The following MTOR variants were observed in gnomAD, a reference collection of about 807,000 sequenced individuals.
MTOR encodes mechanistic target of rapamycin kinase.
Under a neutral mutation model 319.8 loss-of-function variants are expected in MTOR, and 70 were observed. The ratio of observed to expected loss-of-function variants is 0.22; its 90% confidence interval spans 0.18 to 0.27. The LOEUF (loss-of-function observed/expected upper bound fraction) is 0.27. MTOR is among the 10% of genes least tolerant of loss of function. The probability of loss-of-function intolerance (pLI) is 1.00; values close to 1 mark genes in which losing one functional copy is unlikely to be tolerated. For missense variants in MTOR, 1,890 were observed against 3,274.4 expected (o/e 0.58, Z 10.32); for synonymous variants, 1,183 against 1,211.4 (o/e 0.98, Z 0.49).
intron 49 of MTOR, among the ~76,000 whole-genome samples, chr1:11,118,228 A>ATTTTATTTT (rs1642282624): frequency 8.3e-6 from 1 of 120,766 alleles, no homozygotes; most frequent in African/African-American, 4.0e-5. Flanking sequence ...AACTTAGTTA[A>ATTTTATTTT]TTTTTTTTTT....
In MTOR at chr1:11,212,470, C is replaced by T. The variant is rs2100793431; in HGVS notation, c.3403G>A (p.Ala1135Thr). Residue 1135 changes from alanine to threonine, a missense_variant, in exon 23 of 58, where the codon GCG (alanine) becomes ACG (threonine). This residue lies in a region of MTOR where 377 missense variants were observed against 653.9 expected (regional missense o/e 0.58). Transcript: ENST00000361445. This position sits in a 1 kb window ranked among gnomAD's most constrained non-coding sequence, Gnocchi z 4.1. ...GTCAGGCGGTCCACAGTCTCTAGCG[C>T]TGCCCTACAACAATCACTAACATAC... The part of the protein sequence containing the change: ...PEAPLPSRKA[A>T]LETVDRLTES... 6.2e-7 allele frequency: 1 copy of T among 1,613,124 alleles called. No individual in the cohort carries two copies. Among genetic ancestry groups the T allele is most frequent in the Non-Finnish European group, 8.5e-7 (1 of 1,179,638 alleles).
chr1:11,230,851 A>G (rs1646991485), intron 18 of MTOR, 74 bp downstream of exon 18: 1 of 1,597,580 alleles, frequency 6.3e-7, no homozygotes, highest in South Asian at 1.1e-5. Context: ...CCAGCTCCAG[A>G]CTTTCTAAAC....
At chr1:11,112,227 T>C (rs1641923741) in intron 54 of MTOR, among the ~76,000 whole-genome samples, 1 of 152,172 alleles carries the variant, frequency 6.6e-6, no homozygotes, top group South Asian at 2.1e-4. Context: ...GCTTCCATCT[T>C]CCCATTTCTG....
intron 11 of MTOR, 133 bp from the exon 12 acceptor site, chr1:11,238,750 C>T (rs1278582765): frequency 2.8e-6 from 2 of 709,608 alleles, no homozygotes; most frequent in African/African-American, 3.6e-5. Flanking sequence ...CAATACGATA[C>T]TGACCCGGAA....
chr1:11,162,989 C>T (rs1435562360), intron 29 of MTOR, among the ~76,000 whole-genome samples: 1 of 152,056 alleles, frequency 6.6e-6, no homozygotes, highest in East Asian at 1.9e-4. Context: ...CACAGACTGG[C>T]AAATTGGATA....
At chr1:11,125,511 A>G (rs995476740) in intron 46 of MTOR, among the ~76,000 whole-genome samples, 2 of 151,900 alleles carry the variant, frequency 1.3e-5, no homozygotes, top group Admixed American at 6.6e-5. Flanking sequence ...TGGGCGGATC[A>G]CCTCAGGTCG....
rs569251148 is a variant in MTOR at position 11,133,227 on chromosome 1, A to G, written c.5247-30T>C. 3 of 1,595,584 alleles carry G rather than the reference A, an allele frequency of 1.9e-6. No individual in the cohort carries two copies. In the East Asian group the frequency reaches 6.7e-5, roughly 36 times the overall value. On this transcript the variant is annotated intron_variant, in intron 37 of 57. Coordinates refer to ENST00000361445, the MANE Select transcript of MTOR (RefSeq NM_004958.4). The surrounding 1 kb of genome is among the most constrained non-coding windows in gnomAD (Gnocchi z 4.0). ...AAGCAGAGAAACAAGCCCCCATGAC[A>G]TTCCCTCCTCAAAACAGCCCTCCTA...
chr1:11,259,166 C>G, intron 2 of MTOR, 82 bp downstream of exon 2: 1 of 1,526,030 alleles, frequency 6.6e-7, no homozygotes, highest in Non-Finnish European at 8.9e-7. Context: ...CCTCACTTAG[C>G]TGTACAAAAA....
At chr1:11,234,316 G>A in intron 13 of MTOR, 51 bp from the exon 14 acceptor site, 1 of 1,547,850 alleles carries the variant, frequency 6.5e-7, no homozygotes, top group Non-Finnish European at 8.7e-7. Context: ...ACATTCTAGA[G>A]AGAGACTGTG....
At position 11,199,505 on chromosome 1, in the gene MTOR, G is replaced by A. The variant is rs1645893900; in HGVS notation, c.4107+36C>T. ...CTCTCCTCCCACCAGCTGGTTCCCT[G>A]TCAGCCTCCATCTGGACAATGGGGA... On this transcript the variant is annotated intron_variant, in intron 27 of 57. Coordinates refer to ENST00000361445, the MANE Select transcript of MTOR (RefSeq NM_004958.4). The surrounding 1 kb of genome is among the most constrained non-coding windows in gnomAD (Gnocchi z 4.5). 1 of 1,613,878 alleles carries A rather than the reference G, an allele frequency of 6.2e-7. No homozygotes were observed.
intron 12 of MTOR, 112 bp downstream of exon 12, chr1:11,238,286 GAATA>G (rs1271323194): frequency 8.7e-7 from 1 of 1,148,408 alleles, no homozygotes; most frequent in Non-Finnish European, 1.3e-6. Flanking sequence ...AGAAATAGCT[GAATA>G]TCAGCTTTTT....
Position 11,232,463 on chromosome 1 carries a change from C to T in MTOR, c.2487G>A (p.Gln829=), listed in dbSNP as rs780170152. The change falls in exon 16 of 58, where the codon CAG becomes CAA. Residue 829 remains glutamine, a synonymous_variant. Transcript: ENST00000361445. ...ELFIIIMDML[Q]DSSLLAKRQV... is the part of the protein sequence containing the mutation. ...GCCTTTTGGCCAACAAAGAGGAATCCTGGAGCATGTCCATGATGATAATAA... is the reference window on the plus strand; with the variant it reads ...GCCTTTTGGCCAACAAAGAGGAATCTTGGAGCATGTCCATGATGATAATAA... 9 of 1,613,992 alleles carry T rather than the reference C, an allele frequency of 5.6e-6. No homozygotes were observed. The South Asian group carries it at 6.6e-5, about 12-fold the overall frequency.
chr1:11,206,079 C>T (rs1164691921), intron 25 of MTOR, among the ~76,000 whole-genome samples: 1 of 152,186 alleles, frequency 6.6e-6, no homozygotes, highest in African/African-American at 2.4e-5. Context: ...ACTGACCATA[C>T]AACGAGAACC....
chr1:11,228,566 C>G (rs1333469018), intron 19 of MTOR, 102 bp downstream of exon 19: 1 of 1,479,038 alleles, frequency 6.8e-7, no homozygotes, highest in Non-Finnish European at 9.2e-7. Context: ...GCATTGGGCT[C>G]AGGGGCACAG....
At chr1:11,218,538 G>A (rs1299814216) in intron 19 of MTOR, among the ~76,000 whole-genome samples, 1 of 152,132 alleles carries the variant, frequency 6.6e-6, no homozygotes, top group African/African-American at 2.4e-5. Flanking sequence ...GAAAACCTAA[G>A]CTGGAGGAAA....
intron 6 of MTOR, among the ~76,000 whole-genome samples, chr1:11,249,509 C>T (rs1281071375): frequency 6.1e-5 from 9 of 148,590 alleles, no homozygotes; most frequent in Non-Finnish European, 6.0e-5. Flanking sequence ...GAGGGAAGGT[C>T]AGCAGATAAA....
Position 11,253,918 on chromosome 1 carries a change from C to A in MTOR, c.761G>T (p.Gly254Val), listed in dbSNP as rs1286480620. Reference sequence around the variant, plus strand: ...ATGGATCCGATCATCCCGATTCATGCCCTTCTCTTTGGCCAAGGTCTCATC... The same window carrying A: ...ATGGATCCGATCATCCCGATTCATGACCTTCTCTTTGGCCAAGGTCTCATC... ...GFDETLAKEK[G>V]MNRDDRIHGA... Residue 254 changes from glycine (G) to valine (V), a missense_variant, in exon 6 of 58, where the codon GGC (glycine) becomes GTC (valine). By Grantham distance (109) the Gly-to-Val change is moderately radical. Transcript: ENST00000361445. 16 of 1,614,088 alleles carry A rather than the reference C, an allele frequency of 9.9e-6. No individual in the cohort carries two copies. Among genetic ancestry groups the A allele is most frequent in the Non-Finnish European group, 1.4e-5 (16 of 1,180,002 alleles).
At chr1:11,219,895 T>C (rs1450341984) in intron 19 of MTOR, among the ~76,000 whole-genome samples, 2 of 151,576 alleles carry the variant, frequency 1.3e-5, no homozygotes, top group East Asian at 3.9e-4. Context: ...TTAGCCAGCA[T>C]GGTGGTGCAC....
chr1:11,142,107 T>C (rs188603652), intron 34 of MTOR, among the ~76,000 whole-genome samples: 7 of 152,210 alleles, frequency 4.6e-5, no homozygotes, highest in South Asian at 2.1e-4. Flanking sequence ...GAGAGTCAGG[T>C]TGGGGACGGC....
Sources: allele counts gnomAD v4.1 joint callset (sites outside exome capture counted in the v4.1 genomes callset), GRCh38; gene constraint gnomAD v4.1.1; regional missense constraint gnomAD v4.1.1; non-coding constraint Gnocchi (gnomAD v3.1); transcripts MANE v1.5; gene names NCBI Gene and HGNC (gene_info 2026-07-23, HGNC 2026-07-21).